Variants in MALT1 observed in about 807,000 individuals in gnomAD.
MALT1 encodes MALT1 paracaspase, also known as mucosa-associated lymphoid tissue lymphoma translocation protein 1.
A neutral mutation model predicts 85.5 loss-of-function variants in MALT1; 36 were observed. The observed-to-expected ratio is 0.42, with a 90% CI of 0.32 to 0.56. The LOEUF is 0.56. Among genes scored for constraint, MALT1 ranks in the 20% least tolerant of loss-of-function variants. The pLI is 0.10. For synonymous variants in MALT1, 359 were observed against 361.3 expected (o/e 0.99, Z 0.07); for missense variants, 716 against 981.6 (o/e 0.73, Z 3.62).
intron 13 of MALT1, among the ~76,000 whole-genome samples, chr18:58,738,979 T>C (rs970062421): frequency 2.6e-5 from 4 of 152,238 alleles, no homozygotes; most frequent in African/African-American, 9.6e-5. Flanking sequence ...GTAAGTTTTT[T>C]TATTAACACT....
At chr18:58,672,434 T>G (rs1347433627) in intron 1 of MALT1, 1 of 152,222 alleles carries the variant, frequency 6.6e-6, no homozygotes, top group Non-Finnish European at 1.5e-5. Flanking sequence ...AAACTCGAAG[T>G]AAAACTATTT....
At chr18:58,731,127 A>G (rs143225200) in intron 10 of MALT1, among the ~76,000 whole-genome samples, 1 of 152,072 alleles carries the variant, frequency 6.6e-6, no homozygotes, top group African/African-American at 2.4e-5. Flanking sequence ...GGATTTTTGT[A>G]TTTTTAGTAG....
rs77212244 is a variant in MALT1 at position 58,710,734 on chromosome 18, G to A, written c.926-187G>A. ...TATTAACAATCCCATTCTTAACTGC[G>A]TAATTTGGGAATTTGTTATATTTCA... On this transcript the variant is annotated intron_variant, in intron 6 of 16. Coordinates refer to ENST00000649217, the MANE Select transcript of MALT1 (RefSeq NM_006785.4). 7.2e-3 allele frequency among the ~76,000 whole-genome samples: 1,090 copies of A among 152,186 alleles called. 15 individuals are homozygous for A. The highest frequency in any genetic ancestry group is 0.025 in the African/African-American group (1,037 of 41,494).
In MALT1 at chr18:58,710,092, T is replaced by C; in HGVS notation, c.925+20T>C. On this transcript the variant is annotated intron_variant, in intron 6 of 16. Transcript: ENST00000649217. ...TCATAGGTAAGAAGTATTTCCCCAG[T>C]GTTCTGACAAGTGGACTATAATATA... is the stretch of plus-strand genomic sequence containing the variant. 1 of 1,489,394 alleles carries C rather than the reference T, an allele frequency of 6.7e-7. No individual in the cohort carries two copies. The highest frequency in any genetic ancestry group is 9.3e-7 in the Non-Finnish European group (1 of 1,070,238). The allele number at this position is 1,489,394 out of a possible 1,614,324, so 92.3% of individuals were successfully genotyped here. A position where few individuals can be genotyped will look rare whatever the true frequency, so the allele number is the denominator to read the frequency against.
At chr18:58,683,095 A>T (rs1187057553) in intron 2 of MALT1, among the ~76,000 whole-genome samples, 6 of 152,184 alleles carry the variant, frequency 3.9e-5, no homozygotes. Flanking sequence ...TAATTTTTAT[A>T]TTGCTGGTGC....
intron 13 of MALT1, among the ~76,000 whole-genome samples, chr18:58,736,105 T>A (rs2055217559): frequency 6.6e-6 from 1 of 152,074 alleles, no homozygotes; most frequent in African/African-American, 2.4e-5. Flanking sequence ...CTAGGCAACA[T>A]AGCGAGACCC....
Position 58,752,422 on chromosome 18 carries a change from A to G in MALT1, c.*4580A>G, listed in dbSNP as rs917693934. 3 of 152,174 alleles carry G rather than the reference A, an allele frequency of 2.0e-5. No homozygotes were observed. Among genetic ancestry groups the G allele is most frequent in the Non-Finnish European group, 4.4e-5 (3 of 68,034 alleles). 9.4% of individuals were successfully genotyped at this position (152,174 alleles called of 1,614,324 possible). A position where few individuals can be genotyped will look rare whatever the true frequency, so the allele number is the denominator to read the frequency against. On this transcript the variant is annotated 3_prime_UTR_variant, in exon 17 of 17. Transcript: ENST00000649217. Reference sequence around the variant, plus strand: ...TCAACTGATGTCAGCTACTCAATTTACACATTACTTTTGTGCATTTCATCC... The same window carrying G: ...TCAACTGATGTCAGCTACTCAATTTGCACATTACTTTTGTGCATTTCATCC...
In MALT1 at chr18:58,671,865, C is replaced by T; in HGVS notation, c.209+13C>T. The T allele has an allele frequency of 1.6e-6, 2 of 1,216,852 alleles. No homozygotes were observed. Among genetic ancestry groups the T allele is most frequent in the South Asian group, 8.1e-5 (2 of 24,652 alleles). The allele number at this position is 1,216,852 out of a possible 1,614,324, so 75.4% of individuals were successfully genotyped here. On this transcript the variant is annotated intron_variant, in intron 1 of 16. Coordinates refer to ENST00000649217, the MANE Select transcript of MALT1 (RefSeq NM_006785.4). ...GCCTCCGCCTCAGGTGAGCTCAGGG[C>T]CGCGGCAGGCCGGGCGCGCGGGTCG... is the stretch of plus-strand genomic sequence containing the variant.
At chr18:58,698,074 TG>T (rs202070200) in intron 3 of MALT1, among the ~76,000 whole-genome samples, 67,315 of 122,846 alleles carry the variant, frequency 0.55, 19,665 homozygotes, top group Non-Finnish European at 0.65. Context: ...TTTGTTTTTT[TG>T]TTTTTTTTTT....
At position 58,753,156 on chromosome 18, in the gene MALT1, A is replaced by C. The variant is rs1170996425; in HGVS notation, c.*5314A>C. On this transcript the variant is annotated 3_prime_UTR_variant, in exon 17 of 17. Coordinates refer to ENST00000649217, the MANE Select transcript of MALT1 (RefSeq NM_006785.4). ...CTTGTGCTTTAAATCTGGCATTCTT[A>C]AAGCTATACCTGTAGGCAGTATAGA... is the stretch of plus-strand genomic sequence containing the variant. 6.6e-6 allele frequency: 1 copy of C among 152,196 alleles called. No homozygotes were observed. Among genetic ancestry groups the C allele is most frequent in the African/African-American group, 2.4e-5 (1 of 41,454 alleles). The allele number at this position is 152,196 out of a possible 1,614,324, so 9.4% of individuals were successfully genotyped here. A position where few individuals can be genotyped will look rare whatever the true frequency, so the allele number is the denominator to read the frequency against.
At chr18:58,714,796 C>G (rs1315833234) in intron 8 of MALT1, among the ~76,000 whole-genome samples, 1 of 96,184 alleles carries the variant, frequency 1.0e-5, no homozygotes, top group African/African-American at 2.5e-5. Context: ...ATGATGGAAC[C>G]TGTGGATAGA....
chr18:58,725,361 A>G (rs1199134236), intron 10 of MALT1, among the ~76,000 whole-genome samples: 1 of 152,096 alleles, frequency 6.6e-6, no homozygotes, highest in African/African-American at 2.4e-5. Context: ...AATGAGTTTC[A>G]TGTTTAGACT....
At chr18:58,692,669 A>G (rs923606718) in intron 2 of MALT1, among the ~76,000 whole-genome samples, 1 of 152,262 alleles carries the variant, frequency 6.6e-6, no homozygotes, top group Non-Finnish European at 1.5e-5. Flanking sequence ...TGAAAGGAAG[A>G]GTCACATGTC....
chr18:58,725,404 A>G (rs1602325429), intron 10 of MALT1, among the ~76,000 whole-genome samples: 2 of 152,290 alleles, frequency 1.3e-5, no homozygotes, highest in Admixed American at 6.5e-5. Flanking sequence ...CTCATTATGT[A>G]TACGTAAATA....
chr18:58,705,321 TGTA>T (rs2054732975), intron 4 of MALT1, among the ~76,000 whole-genome samples: 1 of 150,396 alleles, frequency 6.6e-6, no homozygotes, highest in African/African-American at 2.5e-5. Flanking sequence ...TGTGTGTGTG[TGTA>T]TTTATTTTTA....
chr18:58,730,670 T>C (rs2055136185), intron 10 of MALT1, among the ~76,000 whole-genome samples: 1 of 152,236 alleles, frequency 6.6e-6, no homozygotes, highest in Non-Finnish European at 1.5e-5. Flanking sequence ...CTGGGTCATA[T>C]GGTAATCTAT....
chr18:58,705,988 T>A (rs2054746094), intron 4 of MALT1, among the ~76,000 whole-genome samples: 1 of 152,164 alleles, frequency 6.6e-6, no homozygotes, highest in Admixed American at 6.5e-5. Flanking sequence ...CAGCACCTGT[T>A]GTTTCCTGAC....
At chr18:58,693,022 A>G (rs1166756777) in intron 2 of MALT1, among the ~76,000 whole-genome samples, 1 of 152,234 alleles carries the variant, frequency 6.6e-6, no homozygotes, top group Non-Finnish European at 1.5e-5. Context: ...AAGTTGGTTC[A>G]TGAGGTTTAA....
intron 2 of MALT1, among the ~76,000 whole-genome samples, chr18:58,689,491 C>G (rs749803382): frequency 6.6e-6 from 1 of 152,216 alleles, no homozygotes; most frequent in Admixed American, 6.5e-5. Flanking sequence ...GTGTTGAACA[C>G]CCACTAACAC....
Sources: gnomAD v4.1 joint callset for allele counts (sites outside exome capture counted in the v4.1 genomes callset) on GRCh38, gnomAD v4.1.1 for gene constraint, MANE v1.5 for transcripts, NCBI Gene and HGNC (gene_info 2026-07-23, HGNC 2026-07-21) for gene names.